The following RHBDD1 variants were observed in gnomAD, a reference collection of about 807,000 sequenced individuals.
RHBDD1 encodes rhomboid domain containing 1, also known as rhomboid-related protein 4.
In RHBDD1, 38 loss-of-function variants were observed where a neutral mutation model predicts 36.3. That is an observed-to-expected ratio of 1.05 (90% CI 0.81 to 1.37). The LOEUF (loss-of-function observed/expected upper bound fraction) is 1.37. Ranked by LOEUF, RHBDD1 falls within the 40% of genes most tolerant of loss-of-function variation. The probability of loss-of-function intolerance (pLI) is 0.00; values close to 1 mark genes in which losing one functional copy is unlikely to be tolerated. For synonymous variants in RHBDD1, 151 were observed against 136.5 expected (o/e 1.11, Z -0.74); for missense variants, 393 against 377.6 (o/e 1.04, Z -0.34).
intron 8 of RHBDD1, among the ~76,000 whole-genome samples, chr2:226,933,368 A>C (rs1057164985): frequency 2.6e-5 from 4 of 152,108 alleles, no homozygotes; most frequent in Non-Finnish European, 4.4e-5. Flanking sequence ...ATAGTGATAA[A>C]GGATGCTTTC....
intron 5 of RHBDD1, among the ~76,000 whole-genome samples, chr2:226,906,254 A>C (rs1948044178): frequency 6.6e-6 from 1 of 152,158 alleles, no homozygotes; most frequent in South Asian, 2.1e-4. Context: ...AGTGACTGAA[A>C]CATACACATG....
In RHBDD1 at chr2:226,960,674, A is replaced by G. The variant is rs146553173; in HGVS notation, c.857-34757A>G. Among the ~76,000 whole-genome samples the G allele has an allele frequency of 1.8e-3, 278 of 152,330 alleles. 2 individuals are homozygous for G. Among genetic ancestry groups the G allele is most frequent in the African/African-American group, 6.3e-3 (260 of 41,572 alleles). ...TGTCTAATTCTGTAAATGAATATAT[A>G]TACAGAAGTGGATTTCCACTTGAAA... On this transcript the variant is annotated intron_variant, in intron 8 of 8. Coordinates refer to ENST00000392062, the MANE Select transcript of RHBDD1 (RefSeq NM_001167608.3).
intron 5 of RHBDD1, among the ~76,000 whole-genome samples, chr2:226,869,385 T>C (rs1032346376): frequency 3.9e-5 from 6 of 152,230 alleles, no homozygotes; most frequent in African/African-American, 1.4e-4. Context: ...ACCTAAGCAG[T>C]GAATGCTTCT....
At chr2:226,886,878 A>G (rs547100398) in intron 5 of RHBDD1, among the ~76,000 whole-genome samples, 230 of 152,316 alleles carry the variant, frequency 1.5e-3, no homozygotes, top group South Asian at 0.011. Flanking sequence ...AATTTAAAGA[A>G]CTAGAAAAGG....
intron 5 of RHBDD1, among the ~76,000 whole-genome samples, chr2:226,880,495 G>A (rs1009484335): frequency 1.3e-5 from 2 of 152,166 alleles, no homozygotes; most frequent in Non-Finnish European, 2.9e-5. Context: ...TTTATGAGAT[G>A]AGAAGGAGAA....
At chr2:226,974,539 G>C (rs1016314924) in intron 8 of RHBDD1, among the ~76,000 whole-genome samples, 1 of 152,104 alleles carries the variant, frequency 6.6e-6, no homozygotes, top group Non-Finnish European at 1.5e-5. Context: ...GCCCGGCCTG[G>C]GTGTTGCTCT....
chr2:226,933,328 G>A (rs996024829), intron 8 of RHBDD1, among the ~76,000 whole-genome samples: 6 of 152,126 alleles, frequency 3.9e-5, no homozygotes, highest in East Asian at 1.9e-4. Flanking sequence ...TCCTGGAGTG[G>A]GTGCTGTTCT....
chr2:226,947,049 T>A (rs1342432448), intron 8 of RHBDD1, among the ~76,000 whole-genome samples: 1 of 152,196 alleles, frequency 6.6e-6, no homozygotes, highest in Non-Finnish European at 1.5e-5. Flanking sequence ...CTCAATAAAC[T>A]AGGTATTGTT....
intron 8 of RHBDD1, among the ~76,000 whole-genome samples, chr2:226,949,357 G>A (rs1268136653): frequency 6.6e-6 from 1 of 152,148 alleles, no homozygotes; most frequent in African/African-American, 2.4e-5. Context: ...ACTCTGTTAG[G>A]TTAGGGGAAG....
At chr2:226,954,615 AAAAG>A (rs1438156634) in intron 8 of RHBDD1, among the ~76,000 whole-genome samples, 8 of 152,302 alleles carry the variant, frequency 5.3e-5, no homozygotes, top group African/African-American at 1.9e-4. Context: ...AAAATAAAGA[AAAAG>A]AGAGAAAGAG....
intron 5 of RHBDD1, among the ~76,000 whole-genome samples, chr2:226,868,007 G>A (rs1057148247): frequency 1.3e-5 from 2 of 152,254 alleles, no homozygotes; most frequent in South Asian, 2.1e-4. Flanking sequence ...ATGAGCCACC[G>A]CACCCGGCCG....
chr2:226,879,608 G>T (rs1297735368), intron 5 of RHBDD1, among the ~76,000 whole-genome samples: 1 of 152,050 alleles, frequency 6.6e-6, no homozygotes. Context: ...AGAAAATGAG[G>T]TATAAAATTT....
chr2:226,925,625 G>A (rs1949616858), intron 8 of RHBDD1, among the ~76,000 whole-genome samples: 1 of 152,046 alleles, frequency 6.6e-6, no homozygotes, highest in African/African-American at 2.4e-5. Context: ...TGGTTTCAAA[G>A]GAAAATAAAA....
chr2:226,849,848 T>TAGCTCTTTTG (rs139537640), intron 3 of RHBDD1, among the ~76,000 whole-genome samples: 1 of 152,372 alleles, frequency 6.6e-6, no homozygotes, highest in East Asian at 1.9e-4. Context: ...TTCACAGTGA[T>TAGCTCTTTTG]AGCTCTTTTG....
intron 3 of RHBDD1, among the ~76,000 whole-genome samples, chr2:226,847,286 A>G (rs1942326936): frequency 6.6e-6 from 1 of 152,162 alleles, no homozygotes; most frequent in South Asian, 2.1e-4. Context: ...ACATTATCGT[A>G]TTTTATGTCT....
Position 226,871,435 on chromosome 2 carries a change from A to C in RHBDD1, c.566+4117A>C, listed in dbSNP as rs550156805. On this transcript the variant is annotated intron_variant, in intron 5 of 8. Transcript: ENST00000392062. The stretch of plus-strand genomic sequence containing the variant: ...AGTAATTCCTTAATGTTGTTTAGTA[A>C]TTGGTTCATGTTCAGATTCTCCTAG... Among the ~76,000 whole-genome samples the C allele has an allele frequency of 2.0e-5, 3 of 152,350 alleles. No homozygotes were observed. In the East Asian group the frequency reaches 5.8e-4, roughly 29 times the overall value.
the RHBDD1 span, among the ~76,000 whole-genome samples, chr2:226,810,503 T>A: frequency 2.3e-5 from 3 of 128,874 alleles, no homozygotes; most frequent in African/African-American, 9.9e-5. Flanking sequence ...ATCACACCAC[T>A]TCACTCCAGC....
Position 226,864,731 on chromosome 2 carries a change from T to G in RHBDD1, c.38T>G (p.Ile13Ser). 1 of 1,614,184 alleles carries G rather than the reference T, an allele frequency of 6.2e-7. No individual in the cohort carries two copies. The highest frequency in any genetic ancestry group is 1.1e-5 in the South Asian group (1 of 91,080). Residue 13 changes from isoleucine (I) to serine (S), a missense_variant, in exon 4 of 9, where the codon ATT becomes AGT. Ile to Ser is a moderately radical substitution (Grantham distance 142). Transcript: ENST00000392062. Reference protein sequence around the residue: ...RRSRGINTGLILLLSQIFHVG... With the variant: ...RRSRGINTGLSLLLSQIFHVG... ...TCAAGAGGGATAAATACTGGACTTA[T>G]TCTACTCCTTTCTCAAATCTTCCAT...
At chr2:226,808,159 T>C in the RHBDD1 span, among the ~76,000 whole-genome samples, 1 of 152,116 alleles carries the variant, frequency 6.6e-6, no homozygotes, top group African/African-American at 2.4e-5. Context: ...TGGTGAGAAG[T>C]AGTAAAGTTC....
Sources: gnomAD v4.1 joint callset for allele counts (sites outside exome capture counted in the v4.1 genomes callset) on GRCh38, gnomAD v4.1.1 for gene constraint, MANE v1.5 for transcripts, NCBI Gene and HGNC (gene_info 2026-07-23, HGNC 2026-07-21) for gene names.